Variants in MAP3K1 observed in about 807,000 individuals in gnomAD.
MAP3K1 encodes MAP/ERK kinase kinase 1.
In MAP3K1, 36 loss-of-function variants were observed where a neutral mutation model predicts 144.2. The observed-to-expected ratio is 0.25, with a 90% CI of 0.19 to 0.33. The LOEUF is 0.33. MAP3K1 is among the 10% of genes least tolerant of loss of function. The pLI, the probability that MAP3K1 is intolerant of heterozygous loss-of-function variation, is 1.00. For missense variants in MAP3K1, 1,650 were observed against 1,881.9 expected, an observed-to-expected ratio of 0.88 and a Z score of 2.28; for synonymous variants, 718 against 688.7, an observed-to-expected ratio of 1.04 and a Z score of -0.67.
intron 1 of MAP3K1, among the ~76,000 whole-genome samples, chr5:56,836,149 T>C (rs1185221485): frequency 1.3e-5 from 2 of 152,232 alleles, no homozygotes; most frequent in African/African-American, 4.8e-5. Context: ...CTGAGGTTGA[T>C]GTGAGCAGTT....
rs1748676300 is a variant in MAP3K1 at position 56,895,423 on chromosome 5, A to G, written c.*1743A>G. On this transcript the variant is annotated 3_prime_UTR_variant, in exon 20 of 20. Transcript: ENST00000399503. ...CACAATTCTAATAAGATTGTTTCCAAGTCTCTCATGTGCAAGCTTTAAAGG... is the reference window on the plus strand; with the variant it reads ...CACAATTCTAATAAGATTGTTTCCAGGTCTCTCATGTGCAAGCTTTAAAGG... 3 of 230,140 alleles carry G rather than the reference A, an allele frequency of 1.3e-5. No homozygotes were observed. Among genetic ancestry groups the G allele is most frequent in the East Asian group, 6.1e-5 (1 of 16,296 alleles). The allele number at this position is 230,140 out of a possible 1,614,324, so 14.3% of individuals were successfully genotyped here.
intron 19 of MAP3K1, among the ~76,000 whole-genome samples, chr5:56,892,312 C>G (rs1037182981): frequency 2.6e-5 from 4 of 152,082 alleles, no homozygotes; most frequent in African/African-American, 9.7e-5. Context: ...GGAGTTCACT[C>G]ATGATTTGGC....
At chr5:56,855,350 T>C (rs1291856846) in intron 1 of MAP3K1, among the ~76,000 whole-genome samples, 1 of 152,218 alleles carries the variant, frequency 6.6e-6, no homozygotes, top group Non-Finnish European at 1.5e-5. Flanking sequence ...AGTATTTGTG[T>C]GTGTATGTGT....
chr5:56,841,735 A>G (rs1025257200), intron 1 of MAP3K1, among the ~76,000 whole-genome samples: 2 of 152,174 alleles, frequency 1.3e-5, no homozygotes, highest in African/African-American at 2.4e-5. Flanking sequence ...ACCCTAAGCT[A>G]TCATCTTGTA....
Position 56,882,121 on chromosome 5 carries a change from A to G in MAP3K1, c.2921A>G (p.His974Arg). Residue 974 changes from histidine (H) to arginine (R), a missense_variant, in exon 14 of 20, where the codon CAT (histidine) becomes CGT (arginine). By Grantham distance (29) the His-to-Arg change is conservative. Transcript: ENST00000399503. ...TGTTTGAACTCCTCTCCTTTATCTC[A>G]TCATTCCCAATTAATGTTTCCAGCC... is the stretch of plus-strand genomic sequence containing the variant. ...SQCLNSSPLS[H>R]HSQLMFPALS... 9 of 1,607,952 alleles carry G rather than the reference A, an allele frequency of 5.6e-6. No individual in the cohort carries two copies. Among genetic ancestry groups the G allele is most frequent in the East Asian group, 2.2e-5 (1 of 44,840 alleles).
At chr5:56,876,913 A>T (rs1367939927) in intron 10 of MAP3K1, among the ~76,000 whole-genome samples, 1 of 152,176 alleles carries the variant, frequency 6.6e-6, no homozygotes. Context: ...CCTAAAGCAT[A>T]TTCTGTGGAA....
In MAP3K1 at chr5:56,889,015, A is replaced by G. The variant is rs559302998; in HGVS notation, c.4389+658A>G. On this transcript the variant is annotated intron_variant, in intron 19 of 19. Transcript: ENST00000399503. ...TACAAATATTGAATTAGCAAATACTAAAACACTGCTTCTAGAAGAAATATG... is the reference window on the plus strand; with the variant it reads ...TACAAATATTGAATTAGCAAATACTGAAACACTGCTTCTAGAAGAAATATG... Among the ~76,000 whole-genome samples the G allele has an allele frequency of 1.2e-4, 18 of 152,342 alleles. 1 individual carries two copies. The highest frequency in any genetic ancestry group is 2.2e-4 in the Non-Finnish European group (15 of 68,036).
At chr5:56,835,543 G>A (rs948167607) in intron 1 of MAP3K1, among the ~76,000 whole-genome samples, 3 of 152,050 alleles carry the variant, frequency 2.0e-5, no homozygotes, top group Non-Finnish European at 2.9e-5. Context: ...TACAGAGGAC[G>A]TGGGTTAATG....
In MAP3K1 at chr5:56,882,252, T is replaced by A; in HGVS notation, c.3052T>A (p.Ser1018Thr). Reference protein sequence around the residue: ...GFIPCRIPSASPQTQRKFSLQ... With the variant: ...GFIPCRIPSATPQTQRKFSLQ... The stretch of plus-strand genomic sequence containing the variant: ...CATTCCCTGCAGAATACCTTCTGCA[T>A]CTCCTCAAACACAGCGCAAGTTTTC... Residue 1018 changes from serine to threonine, a missense_variant, in exon 14 of 20, where the codon TCT (serine) becomes ACT (threonine). Around this residue, in one of 6 missense-constraint regions of MAP3K1, gnomAD observed 841 missense variants for 886.5 expected, o/e 0.95. Coordinates refer to ENST00000399503, the MANE Select transcript of MAP3K1 (RefSeq NM_005921.2). 1 of 1,614,050 alleles carries A rather than the reference T, an allele frequency of 6.2e-7. No individual in the cohort carries two copies. Among genetic ancestry groups the A allele is most frequent in the Non-Finnish European group, 8.5e-7 (1 of 1,179,920 alleles).
chr5:56,838,502 A>G (rs1746720080), intron 1 of MAP3K1, among the ~76,000 whole-genome samples: 1 of 152,200 alleles, frequency 6.6e-6, no homozygotes, highest in Non-Finnish European at 1.5e-5. Flanking sequence ...ATTATTTAGG[A>G]AGACAGTAAT....
intron 14 of MAP3K1, among the ~76,000 whole-genome samples, 175 bp downstream of exon 14, chr5:56,883,041 T>C (rs770516271): frequency 2.0e-4 from 31 of 152,100 alleles, no homozygotes; most frequent in Admixed American, 5.9e-4. Flanking sequence ...ATTTTAAAAA[T>C]TAGCCAGGCA....
chr5:56,868,734 A>G (rs1205329558), intron 6 of MAP3K1, among the ~76,000 whole-genome samples: 1 of 152,252 alleles, frequency 6.6e-6, no homozygotes, highest in Non-Finnish European at 1.5e-5. Flanking sequence ...TATGTCCAAC[A>G]TTAATGGATA....
chr5:56,868,605 C>T (rs573284744), intron 6 of MAP3K1, among the ~76,000 whole-genome samples: 16 of 152,216 alleles, frequency 1.1e-4, no homozygotes, highest in African/African-American at 3.1e-4. Context: ...AGGATAGTCT[C>T]GATCTCCTGA....
At chr5:56,856,557 A>G (rs762330825) in intron 1 of MAP3K1, 43 bp from the exon 2 acceptor site, 15 of 1,517,940 alleles carry the variant, frequency 9.9e-6, no homozygotes, top group South Asian at 3.4e-5. Flanking sequence ...ATTATTTTTC[A>G]TATATACATT....
chr5:56,880,926 C>A, intron 12 of MAP3K1, 124 bp downstream of exon 12: 2 of 1,023,904 alleles, frequency 2.0e-6, no homozygotes, highest in Non-Finnish European at 3.0e-6. Flanking sequence ...TAAATTGATT[C>A]ACTGTGTTAC....
chr5:56,888,095 T>A, intron 18 of MAP3K1, 131 bp from the exon 19 acceptor site: 1 of 753,630 alleles, frequency 1.3e-6, no homozygotes, highest in Non-Finnish European at 2.3e-6. Flanking sequence ...AAATTAGATA[T>A]TAGGTAGTCC....
At chr5:56,830,579 T>C (rs910405214) in intron 1 of MAP3K1, among the ~76,000 whole-genome samples, 4 of 152,188 alleles carry the variant, frequency 2.6e-5, no homozygotes, top group South Asian at 4.1e-4. Flanking sequence ...TACACACACA[T>C]TTTCCTGTAA....
At chr5:56,850,830 A>C (rs976266254) in intron 1 of MAP3K1, among the ~76,000 whole-genome samples, 7 of 152,194 alleles carry the variant, frequency 4.6e-5, no homozygotes, top group African/African-American at 1.4e-4. Flanking sequence ...CTGTGATGAC[A>C]CTCTGGCAGT....
chr5:56,879,083 A>G lies in MAP3K1; in HGVS notation c.2069A>G (p.Lys690Arg). ...LQPVVDTILVKCADANSRTSQ... is the reference protein window; with the variant it reads ...LQPVVDTILVRCADANSRTSQ... ...CCAGTTGTAGACACCATCCTAGTCAAATGTGCAGATGCCAATAGGTAAGGC... is the reference window on the plus strand; with the variant it reads ...CCAGTTGTAGACACCATCCTAGTCAGATGTGCAGATGCCAATAGGTAAGGC... The change falls in exon 11 of 20, where the codon AAA becomes AGA. Residue 690 changes from lysine (K) to arginine (R), a missense_variant. Around this residue, in one of 6 missense-constraint regions of MAP3K1, gnomAD observed 841 missense variants for 886.5 expected, o/e 0.95. Coordinates refer to ENST00000399503, the MANE Select transcript of MAP3K1 (RefSeq NM_005921.2). The G allele has an allele frequency of 2.5e-6, 4 of 1,613,980 alleles. No homozygotes were observed. The highest frequency in any genetic ancestry group is 2.2e-5 in the South Asian group (2 of 91,086).
Sources: allele counts gnomAD v4.1 joint callset (sites outside exome capture counted in the v4.1 genomes callset), GRCh38; gene constraint gnomAD v4.1.1; regional missense constraint gnomAD v4.1.1; transcripts MANE v1.5; gene names NCBI Gene and HGNC (gene_info 2026-07-23, HGNC 2026-07-21).